Variants in FLVCR2 observed in about 807,000 individuals in gnomAD.
FLVCR2 encodes the protein FLVCR choline and putative heme transporter 2, also known as choline/ethanolamine transporter FLVCR2.
FLVCR2 carries 38 observed loss-of-function variants against 48.9 expected under a neutral mutation model. That is an observed-to-expected ratio of 0.78 (90% CI 0.60 to 1.02). The LOEUF is 1.02. Among genes scored for constraint, FLVCR2 ranks in the 50% least tolerant of loss-of-function variants. The probability of loss-of-function intolerance (pLI) is 0.00; values close to 1 mark genes in which losing one functional copy is unlikely to be tolerated. For missense variants in FLVCR2, 664 were observed against 663.3 expected, an observed-to-expected ratio of 1.00 and a Z score of -0.01; for synonymous variants, 255 against 257.0, an observed-to-expected ratio of 0.99 and a Z score of 0.07.
intron 1 of FLVCR2, chr14:75,595,721 T>C (rs946623020): frequency 1.6e-6 from 1 of 615,490 alleles, no homozygotes; most frequent in Non-Finnish European, 2.9e-6. Flanking sequence ...TGTTTGTTTT[T>C]GTGTTTTCAC....
chr14:75,589,665 A>T (rs1007006448), intron 1 of FLVCR2, among the ~76,000 whole-genome samples: 1 of 152,182 alleles, frequency 6.6e-6, no homozygotes, highest in African/African-American at 2.4e-5. Flanking sequence ...CCCCTGAAAC[A>T]AGTCTCTGCC....
At chr14:75,621,431 A>G (rs557132903) in intron 1 of FLVCR2, among the ~76,000 whole-genome samples, 2 of 152,070 alleles carry the variant, frequency 1.3e-5, no homozygotes, top group East Asian at 3.9e-4. Flanking sequence ...AAAAGAAAAA[A>G]AAAAGAAATG....
chr14:75,596,650 A>C (rs1254187587), intron 1 of FLVCR2, among the ~76,000 whole-genome samples: 1 of 152,182 alleles, frequency 6.6e-6, no homozygotes, highest in African/African-American at 2.4e-5. Context: ...TTAACCATTC[A>C]TTAAGTGTAC....
Position 75,647,639 on chromosome 14 carries a change from C to A in FLVCR2, c.*1167C>A, listed in dbSNP as rs1177629233. On this transcript the variant is annotated 3_prime_UTR_variant, in exon 10 of 10. Coordinates refer to ENST00000238667, the MANE Select transcript of FLVCR2 (RefSeq NM_017791.3). ...TAAACTTAAAGGGATTCCCTTTAAA[C>A]CAACTCAAGCTGATCTTTCCTATCT... 1.3e-5 allele frequency: 2 copies of A among 152,658 alleles called. No homozygotes were observed. The highest frequency in any genetic ancestry group is 4.8e-5 in the African/African-American group (2 of 41,448). 9.5% of individuals were successfully genotyped at this position (152,658 alleles called of 1,614,324 possible).
intron 1 of FLVCR2, chr14:75,605,891 T>A: frequency 2.1e-6 from 1 of 480,716 alleles, no homozygotes; most frequent in South Asian, 2.3e-5. Context: ...GATTTCTGCA[T>A]ACAATGACTG....
chr14:75,587,358 AT>A (rs951751129), intron 1 of FLVCR2, among the ~76,000 whole-genome samples: 1 of 152,048 alleles, frequency 6.6e-6, no homozygotes, highest in Admixed American at 6.5e-5. Flanking sequence ...TGAGGATTTA[AT>A]TTTTCCCCCC....
chr14:75,608,918 C>G (rs960356368), intron 1 of FLVCR2, among the ~76,000 whole-genome samples: 1 of 152,190 alleles, frequency 6.6e-6, no homozygotes, highest in South Asian at 2.1e-4. Flanking sequence ...GCTATCACAT[C>G]TTTGTCTCTG....
intron 3 of FLVCR2, among the ~76,000 whole-genome samples, chr14:75,627,574 G>A (rs1208124683): frequency 6.6e-6 from 1 of 152,190 alleles, no homozygotes; most frequent in Non-Finnish European, 1.5e-5. Context: ...GAGCAAAGTC[G>A]ATTTGGAGCT....
Position 75,578,948 on chromosome 14 carries a change from C to T in FLVCR2, c.-25C>T, listed in dbSNP as rs1271778967. 6.2e-7 allele frequency: 1 copy of T among 1,613,158 alleles called. No homozygotes were observed. The highest frequency in any genetic ancestry group is 8.5e-7 in the Non-Finnish European group (1 of 1,179,138). ...ACTGCCGGAGTCCTCACCACTTCTC[C>T]AGGATTCCAGAGGAGACTGTGGCGA... is the stretch of plus-strand genomic sequence containing the variant. On this transcript the variant is annotated 5_prime_UTR_variant, in exon 1 of 10. Coordinates refer to ENST00000238667, the MANE Select transcript of FLVCR2 (RefSeq NM_017791.3).
intron 1 of FLVCR2, among the ~76,000 whole-genome samples, chr14:75,609,544 TG>T (rs900385999): frequency 1.9e-4 from 29 of 152,326 alleles, no homozygotes; most frequent in African/African-American, 6.7e-4. Context: ...AGTTAACTTA[TG>T]AAGTTGGCTT....
chr14:75,632,009 G>C (rs1030084071), intron 3 of FLVCR2, among the ~76,000 whole-genome samples: 1 of 152,206 alleles, frequency 6.6e-6, no homozygotes, highest in African/African-American at 2.4e-5. Context: ...TGCTGCTCAG[G>C]AGACTGCATT....
intron 1 of FLVCR2, among the ~76,000 whole-genome samples, chr14:75,587,925 G>T (rs919214335): frequency 2.6e-5 from 4 of 152,180 alleles, no homozygotes; most frequent in Admixed American, 1.3e-4. Flanking sequence ...GAATAGGAAA[G>T]AATCAGTTTG....
At chr14:75,624,884 G>C in intron 3 of FLVCR2, 132 bp downstream of exon 3, 3 of 1,108,966 alleles carry the variant, frequency 2.7e-6, no homozygotes, top group Non-Finnish European at 4.0e-6. Context: ...TCAATCCAGA[G>C]GACCCAGCTA....
At chr14:75,618,280 C>T (rs1478639648) in intron 1 of FLVCR2, among the ~76,000 whole-genome samples, 3 of 152,060 alleles carry the variant, frequency 2.0e-5, no homozygotes, top group Non-Finnish European at 2.9e-5. Context: ...ATGGGGATGC[C>T]TGCATATGAA....
intron 1 of FLVCR2, among the ~76,000 whole-genome samples, chr14:75,611,566 T>A (rs1201230336): frequency 1.3e-5 from 2 of 151,938 alleles, no homozygotes; most frequent in Admixed American, 1.3e-4. Flanking sequence ...TGAAACCCCG[T>A]CTCTCCTAAA....
At chr14:75,624,830 C>G in intron 3 of FLVCR2, 78 bp downstream of exon 3, 2 of 1,545,232 alleles carry the variant, frequency 1.3e-6, no homozygotes, top group Non-Finnish European at 1.8e-6. Context: ...TCATATATTA[C>G]TCTTTCTAAA....
chr14:75,638,295 C>T (rs767042009), intron 5 of FLVCR2, among the ~76,000 whole-genome samples: 7 of 151,902 alleles, frequency 4.6e-5, no homozygotes, highest in Non-Finnish European at 1.0e-4. Flanking sequence ...AAATTAGCCA[C>T]GTATGGTGGC....
intron 1 of FLVCR2, among the ~76,000 whole-genome samples, chr14:75,613,018 C>G (rs575336362): frequency 6.6e-6 from 1 of 152,158 alleles, no homozygotes; most frequent in African/African-American, 2.4e-5. Context: ...AGTGTGCAGA[C>G]TTGCCTAAAT....
At chr14:75,633,058 A>G in intron 3 of FLVCR2, 1 of 677,898 alleles carries the variant, frequency 1.5e-6, no homozygotes, top group Non-Finnish European at 2.7e-6. Flanking sequence ...TCCTTTGGTG[A>G]ATGAATTGGT....
Sources: gnomAD v4.1 joint callset for allele counts (sites outside exome capture counted in the v4.1 genomes callset) on GRCh38, gnomAD v4.1.1 for gene constraint, MANE v1.5 for transcripts, NCBI Gene and HGNC (gene_info 2026-07-23, HGNC 2026-07-21) for gene names.